The following CHD7 variants were observed in gnomAD, a reference collection of about 807,000 sequenced individuals.
CHD7 encodes chromodomain helicase DNA binding protein 7, also known as ATP-dependent chromatin remodeler CHD7.
In CHD7, 24 loss-of-function variants were observed where a neutral mutation model predicts 307.3. That is an observed-to-expected ratio of 0.08 (90% CI 0.06 to 0.11). The LOEUF (loss-of-function observed/expected upper bound fraction) is 0.11. Among genes scored for constraint, CHD7 ranks in the 10% least tolerant of loss-of-function variants. The pLI, the probability that CHD7 is intolerant of heterozygous loss-of-function variation, is 1.00. For missense variants in CHD7, 3,106 were observed against 3,727.1 expected (o/e 0.83, Z 4.34); for synonymous variants, 1,363 against 1,349.9 (o/e 1.01, Z -0.21).
rs1290402123 is a variant in CHD7 at position 60,867,562 on chromosome 8, A to G, written c.*1629A>G. The G allele has an allele frequency of 1.3e-5, 2 of 152,200 alleles. No homozygotes were observed. Among genetic ancestry groups the G allele is most frequent in the African/African-American group, 2.4e-5 (1 of 41,434 alleles). 9.4% of individuals were successfully genotyped at this position (152,200 alleles called of 1,614,324 possible). A position where few individuals can be genotyped will look rare whatever the true frequency, so the allele number is the denominator to read the frequency against. On this transcript the variant is annotated 3_prime_UTR_variant, in exon 38 of 38. Transcript: ENST00000423902. The stretch of plus-strand genomic sequence containing the variant: ...TGAACCAACACAAAGCCATATTTCC[A>G]TCCAGTTAAAAAGCAGGGGAAGGGA...
chr8:60,706,349 A>AT (rs1433344712), intron 1 of CHD7, among the ~76,000 whole-genome samples: 1 of 152,222 alleles, frequency 6.6e-6, no homozygotes, highest in Non-Finnish European at 1.5e-5. Context: ...AGTATTTAGC[A>AT]TTTTTACACA....
At position 60,800,482 on chromosome 8, in the gene CHD7, C is replaced by G. The variant is rs747595218; in HGVS notation, c.2333C>G (p.Ala778Gly). 11 of 1,613,822 alleles carry G rather than the reference C, an allele frequency of 6.8e-6. No homozygotes were observed. The South Asian group carries it at 1.1e-4, about 16-fold the overall frequency. The change falls in exon 5 of 38, where the codon GCT becomes GGT. Residue 778 changes from alanine to glycine, a missense_variant. Ala to Gly is a moderately conservative substitution (Grantham distance 60). Transcript: ENST00000423902. ...SDEEADDADA[A>G]GRDSPSNTSQ... ...GAGGAGGCAGATGATGCAGATGCTG[C>G]TGGGAGGGATTCCCCCTCCAACACC...
At chr8:60,692,809 C>T (rs1304384855) in intron 1 of CHD7, among the ~76,000 whole-genome samples, 2 of 152,140 alleles carry the variant, frequency 1.3e-5, no homozygotes. Flanking sequence ...TTTCTTCCTA[C>T]CCCCTCAATA....
At chr8:60,704,432 G>T (rs1806917354) in intron 1 of CHD7, among the ~76,000 whole-genome samples, 1 of 151,984 alleles carries the variant, frequency 6.6e-6, no homozygotes, top group Non-Finnish European at 1.5e-5. Flanking sequence ...GATGTAGAAA[G>T]ACTCACCTGA....
intron 23 of CHD7, among the ~76,000 whole-genome samples, chr8:60,847,752 A>G (rs1419730033): frequency 6.6e-6 from 1 of 152,212 alleles, no homozygotes; most frequent in Non-Finnish European, 1.5e-5. Flanking sequence ...TCTAGTTCCT[A>G]GAATTCCAAG....
At chr8:60,710,138 G>A (rs551187261) in intron 1 of CHD7, among the ~76,000 whole-genome samples, 265 of 152,002 alleles carry the variant, frequency 1.7e-3, no homozygotes, top group African/African-American at 6.2e-3. Flanking sequence ...AGTGGGAGGA[G>A]GCAGTGGGGA....
At chr8:60,727,207 G>A (rs777356242) in intron 1 of CHD7, among the ~76,000 whole-genome samples, 1 of 151,992 alleles carries the variant, frequency 6.6e-6, no homozygotes, top group African/African-American at 2.4e-5. Flanking sequence ...GCTCATTGCA[G>A]CCTCGACCTC....
intron 1 of CHD7, among the ~76,000 whole-genome samples, chr8:60,719,768 C>G (rs1478409432): frequency 1.3e-5 from 2 of 152,180 alleles, no homozygotes; most frequent in African/African-American, 4.8e-5. Context: ...AATCCGGCAA[C>G]CAACTTCTCA....
At position 60,842,457 on chromosome 8, in the gene CHD7, T is replaced by G. The variant is rs569967868; in HGVS notation, c.4850+405T>G. Among the ~76,000 whole-genome samples the G allele has an allele frequency of 8.5e-4, 129 of 152,356 alleles. 1 individual carries two copies. The highest frequency in any genetic ancestry group is 6.8e-3 in the Middle Eastern group (2 of 294). ...AATTGTCAAAGGCAGTAATCTCACTTGTTAAATTCTTCCTTGCAACTCATA... is the reference window on the plus strand; with the variant it reads ...AATTGTCAAAGGCAGTAATCTCACTGGTTAAATTCTTCCTTGCAACTCATA... On this transcript the variant is annotated intron_variant, in intron 21 of 37. Transcript: ENST00000423902.
intron 19 of CHD7, among the ~76,000 whole-genome samples, chr8:60,841,331 G>T (rs1242110001): frequency 6.6e-6 from 1 of 152,220 alleles, no homozygotes; most frequent in Non-Finnish European, 1.5e-5. Context: ...TTATGGAAGA[G>T]ACTTTTCTTT....
intron 1 of CHD7, among the ~76,000 whole-genome samples, chr8:60,731,745 C>G (rs990844213): frequency 6.6e-5 from 10 of 152,026 alleles, no homozygotes; most frequent in Admixed American, 4.6e-4. Context: ...GTAGGTTTAC[C>G]TTTTTGAGAT....
chr8:60,697,728 G>A (rs546216946), intron 1 of CHD7, among the ~76,000 whole-genome samples: 33 of 152,262 alleles, frequency 2.2e-4, no homozygotes, highest in Non-Finnish European at 4.1e-4. Flanking sequence ...TTTCAATTTG[G>A]TGTATGGAAC....
intron 34 of CHD7, 26 bp from the exon 35 acceptor site, chr8:60,860,878 T>G: frequency 6.4e-7 from 1 of 1,559,854 alleles, no homozygotes; most frequent in Non-Finnish European, 8.8e-7. Context: ...CGTGTGAGAA[T>G]TCATACCATT....
intron 4 of CHD7, among the ~76,000 whole-genome samples, chr8:60,798,784 T>C (rs1288815441): frequency 3.3e-5 from 5 of 152,248 alleles, no homozygotes; most frequent in Admixed American, 2.0e-4. Flanking sequence ...TATTCTTGAA[T>C]TCATTAGCAG....
At chr8:60,685,742 A>G (rs1449966483) in intron 1 of CHD7, among the ~76,000 whole-genome samples, 1 of 152,236 alleles carries the variant, frequency 6.6e-6, no homozygotes, top group Non-Finnish European at 1.5e-5. Flanking sequence ...TTGTTCAGTT[A>G]TTATGAAAAG....
intron 3 of CHD7, among the ~76,000 whole-genome samples, chr8:60,786,097 T>C (rs905274201): frequency 2.0e-5 from 3 of 152,220 alleles, no homozygotes; most frequent in African/African-American, 4.8e-5. Flanking sequence ...TTGTGCTCCC[T>C]TTCCTGCTGC....
At chr8:60,784,737 C>T (rs767016918) in intron 3 of CHD7, among the ~76,000 whole-genome samples, 2 of 152,172 alleles carry the variant, frequency 1.3e-5, no homozygotes, top group Non-Finnish European at 2.9e-5. Flanking sequence ...TCATACATGT[C>T]TTTCCTCTGC....
At chr8:60,852,272 C>G in intron 29 of CHD7, 25 bp downstream of exon 29, 1 of 1,594,850 alleles carries the variant, frequency 6.3e-7, no homozygotes, top group Non-Finnish European at 8.6e-7. Context: ...GGTTTCCACT[C>G]AGCTCCCGGT....
rs188029243 is a variant in CHD7 at position 60,838,289 on chromosome 8, T to C, written c.4533+34T>C. ...CGATCTAAAGAGGCCAGGTTTTCCA[T>C]AGAAGCATGACAGAGTTCATGTGAA... On this transcript the variant is annotated intron_variant, in intron 19 of 37. Transcript: ENST00000423902. The C allele has an allele frequency of 3.0e-3, 4,715 of 1,574,130 alleles. 17 individuals are homozygous for C. The highest frequency in any genetic ancestry group is 3.8e-3 in the Non-Finnish European group (4,345 of 1,155,654).
Sources: gnomAD v4.1 joint callset for allele counts (sites outside exome capture counted in the v4.1 genomes callset) on GRCh38, gnomAD v4.1.1 for gene constraint, MANE v1.5 for transcripts, NCBI Gene and HGNC (gene_info 2026-07-23, HGNC 2026-07-21) for gene names.